The following RARB variants were observed in gnomAD, a reference collection of about 807,000 sequenced individuals.
RARB encodes HBV-activated protein.
A neutral mutation model predicts 51.9 loss-of-function variants in RARB; 17 were observed. The observed-to-expected ratio is 0.33, with a 90% confidence interval of 0.22 to 0.49. The LOEUF (loss-of-function observed/expected upper bound fraction) is 0.49. Among genes scored for constraint, RARB ranks in the 20% least tolerant of loss-of-function variants. The probability of loss-of-function intolerance (pLI) is 0.99; values close to 1 mark genes in which losing one functional copy is unlikely to be tolerated. For synonymous variants in RARB, 215 were observed against 195.4 expected, an observed-to-expected ratio of 1.10 and a Z score of -0.84; for missense variants, 369 against 550.8, an observed-to-expected ratio of 0.67 and a Z score of 3.30.
chr3:25,427,485 A>G (rs187705454), upstream of RARB, among the ~76,000 whole-genome samples: 109 of 152,308 alleles, frequency 7.2e-4, no homozygotes, highest in African/African-American at 2.5e-3. Flanking sequence ...TCCCCAACCC[A>G]TGCTCTTGAC....
chr3:25,457,340 A>G (rs1279166556), intron 1 of RARB, among the ~76,000 whole-genome samples: 1 of 152,208 alleles, frequency 6.6e-6, no homozygotes, highest in Non-Finnish European at 1.5e-5. Context: ...ATGTTATGTC[A>G]CTCAGCCAAA....
intron 5 of RARB, chr3:25,324,057 G>A (rs1704643187): frequency 6.6e-6 from 1 of 152,152 alleles, no homozygotes; most frequent in Admixed American, 6.5e-5. Context: ...GAAAATCATT[G>A]ATTTCTAGTC....
chr3:25,168,579 C>A (rs1700595588), intron 4 of RARB, among the ~76,000 whole-genome samples: 1 of 151,484 alleles, frequency 6.6e-6, no homozygotes, highest in Admixed American at 6.6e-5. Flanking sequence ...GCAGTCATGA[C>A]AAAGAACAAT....
chr3:24,836,864 T>G (rs959817925), intron 1 of RARB, among the ~76,000 whole-genome samples: 2 of 152,234 alleles, frequency 1.3e-5, no homozygotes, highest in Non-Finnish European at 2.9e-5. Context: ...ATATCGGAAC[T>G]TCTGGATGCT....
At chr3:24,928,939 C>T (rs1322593445) in intron 2 of RARB, among the ~76,000 whole-genome samples, 2 of 152,016 alleles carry the variant, frequency 1.3e-5, no homozygotes, top group East Asian at 3.9e-4. Context: ...AACTTTGAAA[C>T]AGAAAAGAAA....
intron 2 of RARB, among the ~76,000 whole-genome samples, chr3:25,037,201 G>C (rs1386971047): frequency 6.6e-6 from 1 of 151,904 alleles, no homozygotes; most frequent in Admixed American, 6.6e-5. Flanking sequence ...GTGCACATCT[G>C]GAAGCAATTT....
chr3:24,866,251 T>C (rs1031044876), intron 2 of RARB, among the ~76,000 whole-genome samples: 2 of 151,942 alleles, frequency 1.3e-5, no homozygotes, highest in South Asian at 4.1e-4. Context: ...AACTGTCTCA[T>C]CCCCCCACGC....
At chr3:24,906,902 A>G (rs529743606) in intron 2 of RARB, among the ~76,000 whole-genome samples, 1 of 151,690 alleles carries the variant, frequency 6.6e-6, no homozygotes, top group Non-Finnish European at 1.5e-5. Context: ...GAGTCAAATC[A>G]CAAGAAACCT....
chr3:25,527,930 T>A (rs1243281195), intron 3 of RARB, among the ~76,000 whole-genome samples: 1 of 152,196 alleles, frequency 6.6e-6, no homozygotes, highest in East Asian at 1.9e-4. Flanking sequence ...ACTCAAAGCA[T>A]AATGAGTGCT....
intron 2 of RARB, among the ~76,000 whole-genome samples, chr3:25,472,141 C>G (rs545774183): frequency 5.9e-5 from 9 of 152,210 alleles, no homozygotes; most frequent in Non-Finnish European, 1.2e-4. Context: ...TAAAAGTAAA[C>G]CCCCACAAGG....
chr3:24,891,466 A>G (rs949745156), intron 2 of RARB, among the ~76,000 whole-genome samples: 3 of 152,212 alleles, frequency 2.0e-5, no homozygotes, highest in African/African-American at 4.8e-5. Flanking sequence ...TACTATGAGA[A>G]ACTCACATCT....
chr3:25,061,954 GA>G (rs1470305957), intron 3 of RARB, among the ~76,000 whole-genome samples: 1 of 151,660 alleles, frequency 6.6e-6, no homozygotes, highest in African/African-American at 2.4e-5. Flanking sequence ...AGCACATCTG[GA>G]AAAAATCTAA....
chr3:25,211,305 C>T (rs921513493), intron 5 of RARB, among the ~76,000 whole-genome samples: 1 of 152,082 alleles, frequency 6.6e-6, no homozygotes, highest in African/African-American at 2.4e-5. Context: ...AGGAATAAGC[C>T]TTCATGATTA....
At chr3:25,174,224 G>T (rs966718331) in exon 5 of RARB, 3 of 384,758 alleles carry the variant, frequency 7.8e-6, no homozygotes, top group Non-Finnish European at 1.4e-5. Context: ...AAAATGACAG[G>T]CAGAGAAACC....
intron 1 of RARB, among the ~76,000 whole-genome samples, chr3:24,830,847 G>A (rs1051744658): frequency 2.0e-5 from 3 of 152,066 alleles, no homozygotes; most frequent in Non-Finnish European, 2.9e-5. Context: ...AAAGCATCTT[G>A]CCTAATTGGA....
chr3:25,289,346 A>C (rs1703729419), intron 5 of RARB, among the ~76,000 whole-genome samples: 1 of 152,222 alleles, frequency 6.6e-6, no homozygotes, highest in Non-Finnish European at 1.5e-5. Context: ...GGCTTTATTA[A>C]CAAGGGGCTA....
chr3:25,177,710 A>G (rs536391244), intron 5 of RARB, among the ~76,000 whole-genome samples: 1 of 152,268 alleles, frequency 6.6e-6, no homozygotes, highest in East Asian at 1.9e-4. Context: ...TTTATCTCCT[A>G]GACCTGAACC....
chr3:25,559,357 T>C (rs1235478162), intron 3 of RARB, among the ~76,000 whole-genome samples: 1 of 152,218 alleles, frequency 6.6e-6, no homozygotes, highest in Admixed American at 6.5e-5. Flanking sequence ...GTTTTTTCCC[T>C]ATGGCCCCAC....
At position 25,212,697 on chromosome 3, in the gene RARB, C is replaced by T. The variant is rs151165004; in HGVS notation, c.178+38122C>T. ...ATTGTGTCCCTAAATCTTTATATCACCTATCAAATTATCTCTCCATCTGAT... is the reference window on the plus strand; with the variant it reads ...ATTGTGTCCCTAAATCTTTATATCATCTATCAAATTATCTCTCCATCTGAT... On this transcript the variant is annotated intron_variant, in intron 5 of 11. Transcript: ENST00000383772. 2.3e-3 allele frequency among the ~76,000 whole-genome samples: 347 copies of T among 152,262 alleles called. 3 individuals carry two copies. The highest frequency in any genetic ancestry group is 7.9e-3 in the African/African-American group (327 of 41,544).
Sources: gnomAD v4.1 joint callset for allele counts (sites outside exome capture counted in the v4.1 genomes callset) on GRCh38, gnomAD v4.1.1 for gene constraint, MANE v1.5 for transcripts, NCBI Gene and HGNC (gene_info 2026-07-23, HGNC 2026-07-21) for gene names.